Variants in TPST1 observed in about 807,000 individuals in gnomAD.
The protein encoded by TPST1 is protein-tyrosine sulfotransferase 1.
A neutral mutation model predicts 34.8 loss-of-function variants in TPST1; 20 were observed. The observed-to-expected ratio is 0.57, with a 90% CI of 0.40 to 0.84. The LOEUF (loss-of-function observed/expected upper bound fraction) is 0.84. Among genes scored for constraint, TPST1 ranks in the 40% least tolerant of loss-of-function variants. The pLI is 0.00. For missense variants in TPST1, 353 were observed against 455.5 expected, an observed-to-expected ratio of 0.78 and a Z score of 2.05; for synonymous variants, 152 against 159.4, an observed-to-expected ratio of 0.95 and a Z score of 0.35.
rs578227128 is a variant in TPST1 at position 66,233,714 on chromosome 7, T to C, written c.-101-6611T>C. On this transcript the variant is annotated intron_variant, in intron 1 of 5. Transcript: ENST00000304842. ...AGAAAGTAACTCCATGCATGAAATA[T>C]TCAAATCAGTGATACCTGACTACGT... is the stretch of plus-strand genomic sequence containing the variant. 5.3e-5 allele frequency among the ~76,000 whole-genome samples: 8 copies of C among 152,340 alleles called. No individual in the cohort carries two copies. The South Asian group carries it at 1.7e-3, about 32-fold the overall frequency.
At chr7:66,243,941 A>ATTTTTTTTTTTTTTTT (rs55829208) in intron 2 of TPST1, among the ~76,000 whole-genome samples, 1 of 116,232 alleles carries the variant, frequency 8.6e-6, no homozygotes. Context: ...ATTCTGGGAA[A>ATTTTTTTTTTTTTTTT]TTTTTTTTTT....
chr7:66,337,324 T>G (rs1354073171), intron 3 of TPST1, among the ~76,000 whole-genome samples: 5 of 148,170 alleles, frequency 3.4e-5, no homozygotes, highest in African/African-American at 1.3e-4. Flanking sequence ...TTTTTTTTTT[T>G]TAAGACAGAG....
intron 1 of TPST1, among the ~76,000 whole-genome samples, chr7:66,226,707 A>T (rs1398184109): frequency 1.3e-5 from 2 of 152,172 alleles, no homozygotes; most frequent in Non-Finnish European, 2.9e-5. Context: ...ATACAGCAAA[A>T]ATTAAAACTT....
At chr7:66,227,855 G>A (rs763281625) in intron 1 of TPST1, among the ~76,000 whole-genome samples, 1 of 151,682 alleles carries the variant, frequency 6.6e-6, no homozygotes. Context: ...CTAAAATTTA[G>A]TTTAAGAAAA....
At chr7:66,307,983 A>G (rs1436863790) in intron 3 of TPST1, among the ~76,000 whole-genome samples, 1 of 152,228 alleles carries the variant, frequency 6.6e-6, no homozygotes, top group Non-Finnish European at 1.5e-5. Flanking sequence ...TCTATATCTT[A>G]CCACAAGTTT....
At chr7:66,281,702 C>G (rs1479454962) in intron 2 of TPST1, among the ~76,000 whole-genome samples, 3 of 152,182 alleles carry the variant, frequency 2.0e-5, no homozygotes, top group Non-Finnish European at 4.4e-5. Context: ...CTCTTTCACT[C>G]ATTCCTTTTT....
chr7:66,254,094 G>A (rs890081157), intron 2 of TPST1, among the ~76,000 whole-genome samples: 2 of 151,628 alleles, frequency 1.3e-5, no homozygotes, highest in Non-Finnish European at 2.9e-5. Flanking sequence ...TGTCTAGGCT[G>A]TTTTTAAACC....
intron 2 of TPST1, among the ~76,000 whole-genome samples, chr7:66,251,991 G>A (rs180956470): frequency 6.6e-5 from 10 of 152,252 alleles, no homozygotes; most frequent in Admixed American, 4.6e-4. Context: ...TCCTTCAAGA[G>A]TTTCTCTAAG....
intron 3 of TPST1, among the ~76,000 whole-genome samples, chr7:66,329,641 C>T (rs1452908749): frequency 6.6e-6 from 1 of 152,112 alleles, no homozygotes; most frequent in East Asian, 1.9e-4. Flanking sequence ...TGCAGAAATT[C>T]TAAATATAAT....
chr7:66,285,313 G>A (rs997666270), intron 2 of TPST1, among the ~76,000 whole-genome samples: 1 of 152,174 alleles, frequency 6.6e-6, no homozygotes, highest in Non-Finnish European at 1.5e-5. Flanking sequence ...AAACGAGGAT[G>A]TTCTTTACAC....
At chr7:66,280,240 A>G (rs1425557730) in intron 2 of TPST1, among the ~76,000 whole-genome samples, 1 of 152,210 alleles carries the variant, frequency 6.6e-6, no homozygotes, top group African/African-American at 2.4e-5. Context: ...CGTGGAAGCC[A>G]CCCAGCATTC....
chr7:66,352,789 GGA>G (rs1792508419), intron 4 of TPST1: 16 of 985,238 alleles, frequency 1.6e-5, no homozygotes, highest in Non-Finnish European at 1.9e-5. Flanking sequence ...CCAAAACCAG[GGA>G]AATACTTTAT....
intron 2 of TPST1, among the ~76,000 whole-genome samples, chr7:66,279,556 A>T (rs1790891157): frequency 6.6e-6 from 1 of 151,992 alleles, no homozygotes; most frequent in African/African-American, 2.4e-5. Context: ...ATATAAGCAT[A>T]CTCTTTTCTT....
intron 2 of TPST1, among the ~76,000 whole-genome samples, chr7:66,243,996 T>C (rs1024421140): frequency 1.0e-4 from 15 of 148,374 alleles, no homozygotes; most frequent in African/African-American, 3.3e-4. Flanking sequence ...TCGCCCAGGC[T>C]GGAGTGCAGT....
Position 66,275,013 on chromosome 7 carries a change from T to C in TPST1, c.846-11498T>C, listed in dbSNP as rs573075645. Among the ~76,000 whole-genome samples, 34 of 152,084 alleles carry C rather than the reference T, an allele frequency of 2.2e-4. 1 individual carries two copies. The highest frequency in any genetic ancestry group is 8.0e-4 in the African/African-American group (33 of 41,486). On this transcript the variant is annotated intron_variant, in intron 2 of 5. Coordinates refer to ENST00000304842, the MANE Select transcript of TPST1 (RefSeq NM_003596.4). ...GTCGAGACCATGCTGGCTAACACGG[T>C]GAAACCCCATCTCTACTAAAAATAC...
intron 2 of TPST1, among the ~76,000 whole-genome samples, chr7:66,244,115 A>G (rs748201090): frequency 6.6e-6 from 1 of 151,248 alleles, no homozygotes; most frequent in Non-Finnish European, 1.5e-5. Context: ...CGCCCAGCTA[A>G]TTTTTTTATT....
chr7:66,239,200 C>G (rs553360287), intron 1 of TPST1, among the ~76,000 whole-genome samples: 8 of 152,136 alleles, frequency 5.3e-5, no homozygotes, highest in African/African-American at 7.2e-5. Flanking sequence ...GGGCTGGTCT[C>G]GAACTCCTGA....
At chr7:66,308,494 G>A (rs1791466657) in intron 3 of TPST1, among the ~76,000 whole-genome samples, 1 of 152,030 alleles carries the variant, frequency 6.6e-6, no homozygotes, top group Non-Finnish European at 1.5e-5. Context: ...GTTAGTCCTA[G>A]GGACACCATC....
intron 1 of TPST1, among the ~76,000 whole-genome samples, chr7:66,217,577 C>CATTT (rs763646472): frequency 1.3e-5 from 2 of 152,044 alleles, no homozygotes; most frequent in East Asian, 1.9e-4. Context: ...TCTAACACAT[C>CATTT]ATTTATTTAT....
Sources: allele counts gnomAD v4.1 joint callset (sites outside exome capture counted in the v4.1 genomes callset), GRCh38; gene constraint gnomAD v4.1.1; transcripts MANE v1.5; gene names NCBI Gene and HGNC (gene_info 2026-07-23, HGNC 2026-07-21).